STK33: variants seen among roughly 807,000 people sequenced by gnomAD.
The protein encoded by STK33 is serine/threonine kinase 33, also known as serine/threonine-protein kinase 33.
A neutral mutation model predicts 58.0 loss-of-function variants in STK33; 52 were observed. The observed-to-expected ratio is 0.90, with a 90% CI of 0.72 to 1.13. The LOEUF is 1.13. Ranked by LOEUF, STK33 falls within the 50% of genes most tolerant of loss-of-function variation. The pLI is 0.00. For missense variants in STK33, 630 were observed against 604.2 expected (o/e 1.04, Z -0.45); for synonymous variants, 215 against 200.1 (o/e 1.07, Z -0.63).
intron 1 of STK33, among the ~76,000 whole-genome samples, chr11:8,566,162 AATTAT>A (rs1210630791): frequency 6.6e-6 from 1 of 152,218 alleles, no homozygotes; most frequent in Non-Finnish European, 1.5e-5. Flanking sequence ...CTAGTTAATT[AATTAT>A]ATTTTATCCT....
chr11:8,584,651 T>C (rs1292495197), intron 1 of STK33, among the ~76,000 whole-genome samples: 3 of 152,108 alleles, frequency 2.0e-5, no homozygotes, highest in Admixed American at 1.3e-4. Flanking sequence ...TCCTTATGCC[T>C]GGCCCTTCTC....
chr11:8,575,374 C>A (rs1038750432), intron 1 of STK33, among the ~76,000 whole-genome samples: 8 of 152,106 alleles, frequency 5.3e-5, no homozygotes, highest in African/African-American at 1.9e-4. Flanking sequence ...AACAGATGAA[C>A]AGATAAACAA....
At chr11:8,503,231 C>T (rs557872640) in intron 1 of STK33, among the ~76,000 whole-genome samples, 38 of 152,164 alleles carry the variant, frequency 2.5e-4, no homozygotes, top group African/African-American at 8.4e-4. Context: ...TGTCCATCCA[C>T]GGTAGACTGG....
intron 1 of STK33, among the ~76,000 whole-genome samples, chr11:8,533,935 C>T (rs1954753241): frequency 6.6e-6 from 1 of 152,154 alleles, no homozygotes. Flanking sequence ...CAAATTGTAT[C>T]TAGCATGGAA....
intron 1 of STK33, among the ~76,000 whole-genome samples, chr11:8,527,128 C>CATAT (rs147653240): frequency 0.05 from 7,449 of 150,034 alleles, 249 homozygotes; most frequent in Non-Finnish European, 0.059. Context: ...GCCCAGCTAA[C>CATAT]ATATATATAT....
intron 1 of STK33, among the ~76,000 whole-genome samples, chr11:8,485,208 T>C (rs1353822105): frequency 7.2e-5 from 11 of 152,160 alleles, no homozygotes; most frequent in African/African-American, 2.7e-4. Flanking sequence ...GGTTATAAGT[T>C]TATAATTTCC....
chr11:8,445,643 G>A (rs1945346719), intron 11 of STK33, among the ~76,000 whole-genome samples: 1 of 152,128 alleles, frequency 6.6e-6, no homozygotes, highest in Admixed American at 6.5e-5. Context: ...ATAATCATGT[G>A]GTTTTTGTCT....
chr11:8,560,794 G>A (rs1662673506), intron 1 of STK33, among the ~76,000 whole-genome samples: 1 of 152,094 alleles, frequency 6.6e-6, no homozygotes, highest in South Asian at 2.1e-4. Context: ...TAGGTTAGTA[G>A]TATCATTACC....
intron 1 of STK33, among the ~76,000 whole-genome samples, chr11:8,575,902 C>G (rs10769915): frequency 0.54 from 81,589 of 151,750 alleles, 22,101 homozygotes; most frequent in South Asian, 0.65. Context: ...GCTGAGAAGA[C>G]TGGGAGAGAC....
At chr11:8,452,946 T>C (rs1946458651) in intron 10 of STK33, 40 bp from the exon 11 acceptor site, 4 of 1,538,648 alleles carry the variant, frequency 2.6e-6, no homozygotes, top group Non-Finnish European at 2.7e-6. Context: ...TGTTTTCCTG[T>C]CCTAGAGCTC....
intron 1 of STK33, among the ~76,000 whole-genome samples, chr11:8,576,415 T>C (rs527997240): frequency 1.0e-3 from 157 of 152,318 alleles, no homozygotes; most frequent in Non-Finnish European, 2.0e-3. Context: ...CATGAAACCA[T>C]CTAATGTAAT....
At chr11:8,497,398 A>T (rs966621353) in intron 1 of STK33, among the ~76,000 whole-genome samples, 7 of 152,238 alleles carry the variant, frequency 4.6e-5, no homozygotes, top group African/African-American at 7.2e-5. Flanking sequence ...ATATCCTCCA[A>T]AAGATTAACA....
the STK33 span, among the ~76,000 whole-genome samples, chr11:8,340,306 TCTAAGGTCCTTGGGAGACCTTGCC>T: frequency 6.6e-6 from 1 of 152,196 alleles, no homozygotes; most frequent in African/African-American, 2.4e-5. Context: ...TTAGGTGATC[TCTAAGGTCCTTGGGAGACCTTGCC>T]CTAAGGTCCC....
Position 8,392,544 on chromosome 11 carries a change from G to GAACCAC in STK33, c.1510_1511insGTGGTT (p.Lys503_Ser504insCysGly), listed in dbSNP as rs1436715821. ...CTTTTTGGTTCTGGACAGGGCGCCG[G>GAACCAC]ATTTAGCAGGGTACTTGGTTGCTGT... On this transcript the variant is annotated inframe_insertion, in exon 16 of 16. Coordinates refer to ENST00000687296, the MANE Select transcript of STK33 (RefSeq NM_001352389.2). The GAACCAC allele has an allele frequency of 1.8e-5, 29 of 1,614,082 alleles. No individual in the cohort carries two copies. The highest frequency in any genetic ancestry group is 3.3e-4 in the Middle Eastern group (2 of 6,084).
chr11:8,473,094 T>G, intron 6 of STK33, 69 bp downstream of exon 6: 1 of 914,698 alleles, frequency 1.1e-6, no homozygotes, highest in Non-Finnish European at 1.7e-6. Context: ...TTTCAATCAT[T>G]TTTCCTATTA....
chr11:8,342,109 C>T, the STK33 span, among the ~76,000 whole-genome samples: 24 of 152,170 alleles, frequency 1.6e-4, no homozygotes, highest in African/African-American at 5.1e-4. Context: ...GGCGATTCAT[C>T]GGTTTGACCT....
chr11:8,358,981 G>A, the STK33 span, among the ~76,000 whole-genome samples: 2 of 152,198 alleles, frequency 1.3e-5, no homozygotes, highest in African/African-American at 4.8e-5. Flanking sequence ...GAAGCGCGGG[G>A]ATGAGCCCAC....
intron 14 of STK33, among the ~76,000 whole-genome samples, chr11:8,414,691 C>T (rs1458615278): frequency 1.3e-5 from 2 of 152,122 alleles, no homozygotes; most frequent in Admixed American, 6.6e-5. Context: ...ATGAGGATCA[C>T]TACGCAATTA....
chr11:8,445,255 T>C (rs1394758999), intron 11 of STK33, among the ~76,000 whole-genome samples: 4 of 152,160 alleles, frequency 2.6e-5, no homozygotes, highest in African/African-American at 9.7e-5. Flanking sequence ...GCTGAAGTTG[T>C]TTTTCAGCTT....
Sources: allele counts gnomAD v4.1 joint callset (sites outside exome capture counted in the v4.1 genomes callset), GRCh38; gene constraint gnomAD v4.1.1; transcripts MANE v1.5; gene names NCBI Gene and HGNC (gene_info 2026-07-23, HGNC 2026-07-21).